DMD: variants seen among roughly 807,000 people sequenced by gnomAD.
DMD encodes the protein mutant dystrophin.
In DMD, 63 loss-of-function variants were observed where a neutral mutation model predicts 330.1. The ratio of observed to expected loss-of-function variants is 0.19; its 90% CI spans 0.16 to 0.24. DMD has a LOEUF of 0.24. Ranked by LOEUF, DMD falls within the 10% of genes least tolerant of loss-of-function variation. The probability of loss-of-function intolerance (pLI) is 1.00; values close to 1 mark genes in which losing one functional copy is unlikely to be tolerated. For missense variants in DMD, 3,344 were observed against 2,684.1 expected (o/e 1.25, Z -5.43); for synonymous variants, 1,223 against 959.8 (o/e 1.27, Z -5.07).
At chrX:32,063,600 C>T (rs1237708067) in intron 44 of DMD, among the ~76,000 whole-genome samples, 1 of 111,148 alleles carries the variant, frequency 9.0e-6, no homozygotes, top group Non-Finnish European at 1.9e-5. Context: ...GGTGCAAACA[C>T]GAACTTTTAT....
intron 59 of DMD, among the ~76,000 whole-genome samples, chrX:31,447,852 C>G (rs1292348490): frequency 2.8e-5 from 3 of 107,408 alleles, no homozygotes; most frequent in Non-Finnish European, 3.8e-5. Context: ...ACTAAAGATA[C>G]AAAAATTATT....
chrX:33,099,027 C>A (rs1271507969), intron 1 of DMD, among the ~76,000 whole-genome samples: 3 of 111,897 alleles, frequency 2.7e-5, no homozygotes, highest in Non-Finnish European at 5.6e-5. Flanking sequence ...TATAAGCATG[C>A]CAGGGCAAAT....
intron 26 of DMD, among the ~76,000 whole-genome samples, chrX:32,453,513 C>T (rs1255105356): frequency 9.0e-6 from 1 of 110,817 alleles, no homozygotes; most frequent in East Asian, 2.8e-4. Flanking sequence ...TTACTTTCTG[C>T]TATTAACTAT....
At chrX:31,262,809 C>T (rs1048932737) in intron 62 of DMD, among the ~76,000 whole-genome samples, 1 of 112,715 alleles carries the variant, frequency 8.9e-6, no homozygotes, top group African/African-American at 3.2e-5. Flanking sequence ...ACTTTACATG[C>T]ACAGCACAAG....
At chrX:32,742,189 T>C (rs1265039777) in intron 7 of DMD, among the ~76,000 whole-genome samples, 1 of 111,996 alleles carries the variant, frequency 8.9e-6, no homozygotes, top group Non-Finnish European at 1.9e-5. Flanking sequence ...ATATTGTCAC[T>C]GCATCTTCTG....
At chrX:31,180,598 A>C in intron 68 of DMD, 117 bp from the exon 69 acceptor site, 5 of 562,360 alleles carry the variant, frequency 8.9e-6, no homozygotes, top group Non-Finnish European at 1.5e-5. Context: ...AATGTTCATT[A>C]GTCCCACAAG....
chrX:32,054,581 T>A (rs2096151133), intron 44 of DMD, among the ~76,000 whole-genome samples: 1 of 108,922 alleles, frequency 9.2e-6, no homozygotes, highest in South Asian at 4.0e-4. Context: ...GAGAAGTGAC[T>A]TCTCCTCAAG....
chrX:31,220,399 C>A (rs927677688), intron 64 of DMD, among the ~76,000 whole-genome samples: 2 of 111,790 alleles, frequency 1.8e-5, no homozygotes, highest in African/African-American at 6.5e-5. Flanking sequence ...TAGGGACCTT[C>A]CTGTTGCTAA....
chrX:31,370,595 T>C (rs1268400542), intron 60 of DMD, among the ~76,000 whole-genome samples: 6 of 112,424 alleles, frequency 5.3e-5, no homozygotes, highest in Non-Finnish European at 7.5e-5. Flanking sequence ...TGGTGGAATA[T>C]AAAATAGTAC....
intron 17 of DMD, among the ~76,000 whole-genome samples, chrX:32,531,854 T>A (rs1001287039): frequency 5.4e-5 from 6 of 112,046 alleles, no homozygotes; most frequent in African/African-American, 1.9e-4. Flanking sequence ...TTGGATTATA[T>A]GAGAATTTGA....
At chrX:32,068,454 T>G (rs2096275405) in intron 44 of DMD, among the ~76,000 whole-genome samples, 1 of 106,447 alleles carries the variant, frequency 9.4e-6, no homozygotes, top group African/African-American at 3.4e-5. Flanking sequence ...TCCAGAATGG[T>G]ATTTCCCAGA....
At position 33,258,576 on chromosome X, in the gene DMD, C is replaced by A. The variant is rs550374268; in HGVS notation, c.7+80683G>T. Reference sequence around the variant, plus strand: ...AATATTGGTAAATGATGATGGAAACCTTTTTCTAAAAATATTGCTTTGATG... The same window carrying A: ...AATATTGGTAAATGATGATGGAAACATTTTTCTAAAAATATTGCTTTGATG... On this transcript the variant is annotated intron_variant, in intron 1 of 17. Coordinates refer to the DMD transcript ENST00000288447. Among the ~76,000 whole-genome samples, 133 of 111,182 alleles carry A rather than the reference C, an allele frequency of 1.2e-3. 1 individual carries two copies. The highest frequency in any genetic ancestry group is 4.8e-3 in the South Asian group (13 of 2,686).
chrX:32,350,264 A>T (rs1475878370), intron 37 of DMD, among the ~76,000 whole-genome samples: 1 of 110,988 alleles, frequency 9.0e-6, no homozygotes. Context: ...CGAATTTAAC[A>T]ATTTTTTATG....
At chrX:32,090,091 A>C (rs1224476893) in intron 44 of DMD, among the ~76,000 whole-genome samples, 1 of 112,065 alleles carries the variant, frequency 8.9e-6, no homozygotes, top group Non-Finnish European at 1.9e-5. Context: ...ATAATTTTCT[A>C]CTTACATTAT....
At chrX:31,703,048 G>C (rs1294107295) in intron 52 of DMD, among the ~76,000 whole-genome samples, 1 of 109,752 alleles carries the variant, frequency 9.1e-6, no homozygotes, top group Admixed American at 9.7e-5. Flanking sequence ...TAGAGATGGG[G>C]TTTCATCAAG....
intron 1 of DMD, among the ~76,000 whole-genome samples, chrX:33,070,669 CTCTCTATA>C (rs1219889592): frequency 5.5e-4 from 25 of 45,656 alleles, no homozygotes; most frequent in Middle Eastern, 0.012. Context: ...CTCTCTCTCT[CTCTCTATA>C]TATATATATA....
At chrX:32,815,140 G>C (rs1203010007) in intron 6 of DMD, among the ~76,000 whole-genome samples, 1 of 110,629 alleles carries the variant, frequency 9.0e-6, no homozygotes, top group Non-Finnish European at 1.9e-5. Context: ...AATTCACCTG[G>C]AAACCCAGTC....
At chrX:31,253,622 G>A (rs2049630757) in intron 63 of DMD, among the ~76,000 whole-genome samples, 1 of 111,701 alleles carries the variant, frequency 9.0e-6, no homozygotes, top group Non-Finnish European at 1.9e-5. Context: ...TAACTCTCTT[G>A]CAAATTGCTG....
intron 49 of DMD, among the ~76,000 whole-genome samples, chrX:31,824,727 A>C (rs1418305886): frequency 9.0e-6 from 1 of 111,437 alleles, no homozygotes; most frequent in Non-Finnish European, 1.9e-5. Context: ...AATTTTGCTA[A>C]TCGGTTATTA....
Sources: allele counts gnomAD v4.1 joint callset (sites outside exome capture counted in the v4.1 genomes callset), GRCh38; gene constraint gnomAD v4.1.1; transcripts MANE v1.5; gene names NCBI Gene and HGNC (gene_info 2026-07-23, HGNC 2026-07-21).